Variants in PKHD1L1 observed in about 807,000 individuals in gnomAD.
PKHD1L1 encodes fibrocystin-L.
Under a neutral mutation model 462.9 loss-of-function variants are expected in PKHD1L1, and 434 were observed. The ratio of observed to expected loss-of-function variants is 0.94; its 90% confidence interval spans 0.87 to 1.02. The LOEUF (loss-of-function observed/expected upper bound fraction) is 1.02, where lower values mean the gene tolerates loss of function less well. Among genes scored for constraint, PKHD1L1 ranks in the 50% least tolerant of loss-of-function variants. The pLI is 0.00. For missense variants in PKHD1L1, 5,202 were observed against 5,096.1 expected, an observed-to-expected ratio of 1.02 and a Z score of -0.63; for synonymous variants, 1,781 against 1,750.0, an observed-to-expected ratio of 1.02 and a Z score of -0.44.
intron 73 of PKHD1L1, among the ~76,000 whole-genome samples, chr8:109,520,471 A>G (rs570790088): frequency 6.6e-6 from 1 of 152,230 alleles, no homozygotes; most frequent in South Asian, 2.1e-4. Context: ...CCATCCCCTT[A>G]AAGCAGTTTT....
At chr8:109,466,963 C>T (rs73313126) in intron 50 of PKHD1L1, among the ~76,000 whole-genome samples, 194 bp downstream of exon 50, 271 of 152,010 alleles carry the variant, frequency 1.8e-3, no homozygotes, top group African/African-American at 5.4e-3. Flanking sequence ...CAGAGGCTAG[C>T]GAAATATTCT....
At chr8:109,435,971 A>G (rs1815385424) in intron 29 of PKHD1L1, among the ~76,000 whole-genome samples, 1 of 152,060 alleles carries the variant, frequency 6.6e-6, no homozygotes, top group Non-Finnish European at 1.5e-5. Flanking sequence ...GTCTTAATTA[A>G]CTCTCCTCTT....
In PKHD1L1 at chr8:109,534,594, T is replaced by C. The variant is rs1821109720; in HGVS notation, c.*4504T>C. 6.6e-6 allele frequency among the ~76,000 whole-genome samples: 1 copy of C among 152,220 alleles called. No homozygotes were observed. Among genetic ancestry groups the C allele is most frequent in the African/African-American group, 2.4e-5 (1 of 41,456 alleles). ...GTGGGCATTTTCAGCTTCCCCATTATGGTAGTAGCTGCAAGGAGTGTTCAG... is the reference window on the plus strand; with the variant it reads ...GTGGGCATTTTCAGCTTCCCCATTACGGTAGTAGCTGCAAGGAGTGTTCAG... On this transcript the variant is annotated 3_prime_UTR_variant, in exon 78 of 78. Coordinates refer to ENST00000378402, the MANE Select transcript of PKHD1L1 (RefSeq NM_177531.6).
chr8:109,529,891 T>C (rs1425505603), intron 77 of PKHD1L1, among the ~76,000 whole-genome samples, 189 bp from the exon 78 acceptor site: 1 of 152,074 alleles, frequency 6.6e-6, no homozygotes, highest in African/African-American at 2.4e-5. Flanking sequence ...AACAATCTTG[T>C]ATAAGCACCA....
At chr8:109,379,982 C>T (rs1052910963) in intron 2 of PKHD1L1, among the ~76,000 whole-genome samples, 1 of 152,146 alleles carries the variant, frequency 6.6e-6, no homozygotes, top group African/African-American at 2.4e-5. Context: ...TTGCAGCAAC[C>T]ACCACCTAAC....
At chr8:109,494,207 G>T (rs1818975497) in intron 63 of PKHD1L1, among the ~76,000 whole-genome samples, 1 of 151,864 alleles carries the variant, frequency 6.6e-6, no homozygotes, top group Non-Finnish European at 1.5e-5. Context: ...TCTCTATATT[G>T]GATTAGTAAA....
intron 73 of PKHD1L1, 118 bp downstream of exon 73, chr8:109,518,626 A>G: frequency 6.2e-6 from 5 of 808,622 alleles, no homozygotes; most frequent in South Asian, 5.9e-5. Context: ...CCACATCCTG[A>G]ACCCTCTAAG....
At chr8:109,453,464 G>T (rs1208688150) in intron 43 of PKHD1L1, among the ~76,000 whole-genome samples, 3 of 152,130 alleles carry the variant, frequency 2.0e-5, no homozygotes, top group Non-Finnish European at 4.4e-5. Context: ...GCATGTAAAA[G>T]AATCATTAAT....
chr8:109,456,613 T>C (rs1373284454), intron 46 of PKHD1L1, among the ~76,000 whole-genome samples: 19 of 152,144 alleles, frequency 1.2e-4, no homozygotes, highest in Non-Finnish European at 4.4e-5. Flanking sequence ...AAAACATAAA[T>C]TCGAACCTAT....
chr8:109,389,227 C>T, intron 8 of PKHD1L1, 75 bp downstream of exon 8: 1 of 1,135,148 alleles, frequency 8.8e-7, no homozygotes, highest in Non-Finnish European at 1.3e-6. Context: ...TTCTCCTAGA[C>T]CTCCCTCCTC....
rs776598263 is a variant in PKHD1L1, at chr8:109,475,139, A to T, written c.8627A>T (p.Gln2876Leu). ...DSFGTSIIPF[Q>L]KKRLTHMSGW... Reference sequence around the variant, plus strand: ...ATAGGCACAAGCATTATTCCATTTCAGAAGAAACGACTGACTCATATGTCT... The same window carrying T: ...ATAGGCACAAGCATTATTCCATTTCTGAAGAAACGACTGACTCATATGTCT... Residue 2876 changes from glutamine (Q) to leucine (L), a missense_variant, in exon 51 of 78, where the codon CAG (glutamine) becomes CTG (leucine). Gln to Leu is a moderately radical substitution (Grantham distance 113). This residue lies in a region of PKHD1L1 where 4,497 missense variants were observed against 4,336.8 expected (regional missense o/e 1.04). Transcript: ENST00000378402. 1.9e-6 allele frequency: 3 copies of T among 1,609,466 alleles called. No individual in the cohort carries two copies. Among genetic ancestry groups the T allele is most frequent in the Non-Finnish European group, 2.5e-6 (3 of 1,178,058 alleles).
At chr8:109,433,431 C>T (rs1293646353) in intron 28 of PKHD1L1, among the ~76,000 whole-genome samples, 1 of 152,162 alleles carries the variant, frequency 6.6e-6, no homozygotes, top group Non-Finnish European at 1.5e-5. Flanking sequence ...TGTACGGTGT[C>T]TTTATCCCAT....
chr8:109,531,777 T>C lies in PKHD1L1; in HGVS notation c.*1687T>C, dbSNP rs2131064130. Among the ~76,000 whole-genome samples, 3 of 152,228 alleles carry C rather than the reference T, an allele frequency of 2.0e-5. No individual in the cohort carries two copies. In the South Asian group the frequency reaches 6.2e-4, roughly 32 times the overall value. ...ATGTCCAGAGAGCATTGATACTTCA[T>C]TGTACAGCACCAGGTAACAGAGCAC... is the stretch of plus-strand genomic sequence containing the variant. On this transcript the variant is annotated 3_prime_UTR_variant, in exon 78 of 78. Transcript: ENST00000378402.
At position 109,449,354 on chromosome 8, in the gene PKHD1L1, T is replaced by C. The variant is rs1239328352; in HGVS notation, c.6042T>C (p.Gly2014=). ...INPSQGSFGG[G]QTMTVTGTGF... ...CTTCACTAGGGAGCTTTGGTGGGGG[T>C]CAAACCATGACTGTGACAGGCACCG... The change falls in exon 40 of 78, where the codon GGT becomes GGC. Residue 2014 remains glycine, a synonymous_variant. Coordinates refer to ENST00000378402, the MANE Select transcript of PKHD1L1 (RefSeq NM_177531.6). 1.9e-6 allele frequency: 3 copies of C among 1,574,640 alleles called. No individual in the cohort carries two copies. Among genetic ancestry groups the C allele is most frequent in the Non-Finnish European group, 2.6e-6 (3 of 1,158,764 alleles).
intron 5 of PKHD1L1, 128 bp from the exon 6 acceptor site, chr8:109,385,409 T>C (rs1563726123): frequency 1.8e-6 from 1 of 552,780 alleles, no homozygotes; most frequent in African/African-American, 1.9e-5. Context: ...TGCTAAACAA[T>C]AGTGGCAAAC....
chr8:109,362,477 G>T lies in PKHD1L1; in HGVS notation c.-104G>T. ...GGCGGCCCAGTTCCCCAGCTCTCCC[G>T]GGACGAAGCGGGCCCGCCAGCGAGT... On this transcript the variant is annotated 5_prime_UTR_variant, in exon 1 of 78. Transcript: ENST00000378402. The T allele has an allele frequency of 2.5e-6, 3 of 1,184,486 alleles. No individual in the cohort carries two copies. The highest frequency in any genetic ancestry group is 2.4e-6 in the Non-Finnish European group (2 of 823,500). 73.4% of individuals were successfully genotyped at this position (1,184,486 alleles called of 1,614,324 possible).
Position 109,433,179 on chromosome 8 carries a change from A to G in PKHD1L1, c.3303A>G (p.Ser1101=). 1 of 1,612,540 alleles carries G rather than the reference A, an allele frequency of 6.2e-7. No homozygotes were observed. The highest frequency in any genetic ancestry group is 8.5e-7 in the Non-Finnish European group (1 of 1,178,704). The change falls in exon 28 of 78, where the codon TCA becomes TCG. Residue 1101 remains serine (S), a synonymous_variant. Transcript: ENST00000378402. The part of the protein sequence containing the change: ...GFSPSSAVTV[S]VGPVGCSLLS... ...CTCCTAGTTCAGCTGTAACAGTCTCAGTTGGACCAGTAGGTTGTTCTCTTC... is the reference window on the plus strand; with the variant it reads ...CTCCTAGTTCAGCTGTAACAGTCTCGGTTGGACCAGTAGGTTGTTCTCTTC...
At position 109,427,065 on chromosome 8, in the gene PKHD1L1, G is replaced by A. The variant is rs1396860276; in HGVS notation, c.2909G>A (p.Gly970Glu). 2 of 1,613,962 alleles carry A rather than the reference G, an allele frequency of 1.2e-6. No homozygotes were observed. Among genetic ancestry groups the A allele is most frequent in the South Asian group, 2.2e-5 (2 of 91,088 alleles). ...QFALQSLEGM[G>E]RISVTREGTC... ...GCACTCCAGAGTCTGGAGGGAATGG[G>A]AAGAATCTCAGTTACACGAGAGGGA... Residue 970 changes from glycine to glutamate, a missense_variant, in exon 25 of 78, where the codon GGA (glycine) becomes GAA (glutamate). By Grantham distance (98) the Gly-to-Glu change is moderately conservative. This residue lies in a region of PKHD1L1 where 4,497 missense variants were observed against 4,336.8 expected (regional missense o/e 1.04). Transcript: ENST00000378402.
rs373654555 is a variant in PKHD1L1 at position 109,413,479 on chromosome 8, A to G, written c.2294A>G (p.Gln765Arg). 8.2e-5 allele frequency: 130 copies of G among 1,582,416 alleles called. No homozygotes were observed. The highest frequency in any genetic ancestry group is 1.1e-4 in the Non-Finnish European group (128 of 1,162,924). ...ANYIGLKFQYQDNSKITRSTD... is the reference protein window; with the variant it reads ...ANYIGLKFQYRDNSKITRSTD... The stretch of plus-strand genomic sequence containing the variant: ...TATATTGGTCTAAAATTTCAGTACC[A>G]AGACAATAGCAAGATTACTAGAAGC... The change falls in exon 21 of 78, where the codon CAA becomes CGA. Residue 765 changes from glutamine (Q) to arginine (R), a missense_variant. By Grantham distance (43) the Gln-to-Arg change is conservative. Transcript: ENST00000378402.
Sources: gnomAD v4.1 joint callset for allele counts (sites outside exome capture counted in the v4.1 genomes callset) on GRCh38, gnomAD v4.1.1 for gene constraint, gnomAD v4.1.1 regional missense constraint, MANE v1.5 for transcripts, NCBI Gene and HGNC (gene_info 2026-07-23, HGNC 2026-07-21) for gene names.